SPTBN1: variants seen among roughly 807,000 people sequenced by gnomAD.
SPTBN1 encodes the protein spectrin beta chain, non-erythrocytic 1.
Under a neutral mutation model 266.4 loss-of-function variants are expected in SPTBN1, and 32 were observed. The observed-to-expected ratio is 0.12, with a 90% CI of 0.09 to 0.16. The LOEUF (loss-of-function observed/expected upper bound fraction) is 0.16. Among genes scored for constraint, SPTBN1 ranks in the 10% least tolerant of loss-of-function variants. The probability of loss-of-function intolerance (pLI) is 1.00; values close to 1 mark genes in which losing one functional copy is unlikely to be tolerated. For missense variants in SPTBN1, 2,296 were observed against 3,067.1 expected (o/e 0.75, Z 5.94); for synonymous variants, 1,336 against 1,162.2 (o/e 1.15, Z -3.04).
intron 2 of SPTBN1, among the ~76,000 whole-genome samples, chr2:54,594,811 T>G (rs1675944275): frequency 6.7e-6 from 1 of 148,714 alleles, no homozygotes; most frequent in Non-Finnish European, 1.5e-5. Context: ...ATTTTACGAT[T>G]CCATGACCCT....
intron 1 of SPTBN1, among the ~76,000 whole-genome samples, chr2:54,488,975 T>C (rs1213748987): frequency 6.6e-6 from 1 of 152,024 alleles, no homozygotes; most frequent in African/African-American, 2.4e-5. Flanking sequence ...AAATAACTTT[T>C]AATGCTGGGA....
At chr2:54,559,726 C>T (rs1052590211) in intron 2 of SPTBN1, among the ~76,000 whole-genome samples, 1 of 152,200 alleles carries the variant, frequency 6.6e-6, no homozygotes, top group South Asian at 2.1e-4. Flanking sequence ...AACAGAACTC[C>T]TTCCGTTTGG....
At chr2:54,592,661 T>A (rs920954171) in intron 2 of SPTBN1, among the ~76,000 whole-genome samples, 6 of 152,250 alleles carry the variant, frequency 3.9e-5, no homozygotes, top group Admixed American at 1.3e-4. Flanking sequence ...GTGCTGGGAA[T>A]TACAGGTGTG....
intron 2 of SPTBN1, among the ~76,000 whole-genome samples, chr2:54,587,565 G>A (rs1399802867): frequency 6.6e-6 from 1 of 152,156 alleles, no homozygotes; most frequent in Admixed American, 6.5e-5. Context: ...GCCCACCTTG[G>A]ATTGAAGTCC....
intron 2 of SPTBN1, among the ~76,000 whole-genome samples, chr2:54,597,024 C>T (rs1470419911): frequency 1.3e-5 from 2 of 152,194 alleles, no homozygotes; most frequent in Admixed American, 6.5e-5. Context: ...CTGAGGAACA[C>T]ATTTTGTGCT....
At chr2:54,536,413 TAGG>T (rs1671603687) in intron 2 of SPTBN1, among the ~76,000 whole-genome samples, 1 of 152,202 alleles carries the variant, frequency 6.6e-6, no homozygotes, top group Non-Finnish European at 1.5e-5. Flanking sequence ...ATTTTCTAAT[TAGG>T]AGAGAAAATT....
At position 54,653,694 on chromosome 2, in the gene SPTBN1, A is replaced by C; in HGVS notation, c.5663A>C (p.Glu1888Ala). Residue 1888 changes from glutamate to alanine, a missense_variant, in exon 27 of 36, where the codon GAG becomes GCG. This residue lies in a region of SPTBN1 where 644 missense variants were observed against 745.3 expected (regional missense o/e 0.86). Coordinates refer to ENST00000356805, the MANE Select transcript of SPTBN1 (RefSeq NM_003128.3). The surrounding 1 kb of genome is among the most constrained non-coding windows in gnomAD (Gnocchi z 5.1). ...GACGATATCCAGAAGCGCGAGAACGAGGTCCTGGAAGCCTGGAAGTCCCTC... is the reference window on the plus strand; with the variant it reads ...GACGATATCCAGAAGCGCGAGAACGCGGTCCTGGAAGCCTGGAAGTCCCTC... ...KADDIQKREN[E>A]VLEAWKSLLD... The C allele has an allele frequency of 6.2e-7, 1 of 1,614,182 alleles. No homozygotes were observed. The highest frequency in any genetic ancestry group is 8.5e-7 in the Non-Finnish European group (1 of 1,180,010).
chr2:54,577,979 G>A (rs2104555774), intron 2 of SPTBN1, among the ~76,000 whole-genome samples: 1 of 152,310 alleles, frequency 6.6e-6, no homozygotes, highest in Admixed American at 6.5e-5. Context: ...CATGGTGAAT[G>A]CCATGTAAAA....
intron 1 of SPTBN1, among the ~76,000 whole-genome samples, chr2:54,510,882 C>A (rs1164938336): frequency 6.6e-6 from 1 of 152,184 alleles, no homozygotes; most frequent in Admixed American, 6.5e-5. Flanking sequence ...TTGAAGACTT[C>A]ACCAGCTAAG....
intron 4 of SPTBN1, among the ~76,000 whole-genome samples, chr2:54,614,442 A>G (rs544905467): frequency 1.3e-5 from 2 of 152,182 alleles, no homozygotes; most frequent in South Asian, 2.1e-4. Flanking sequence ...GGCCTACCCT[A>G]TATGTGCATA....
chr2:54,555,824 C>A (rs1672832920), intron 2 of SPTBN1, among the ~76,000 whole-genome samples: 1 of 152,190 alleles, frequency 6.6e-6, no homozygotes, highest in South Asian at 2.1e-4. Context: ...CTTGTTCCAG[C>A]CTGTTGATGT....
chr2:54,576,672 T>G, intron 2 of SPTBN1, among the ~76,000 whole-genome samples: 1 of 152,172 alleles, frequency 6.6e-6, no homozygotes, highest in East Asian at 1.9e-4. Context: ...AGAACCCATT[T>G]TTAGCTTGAA....
intron 2 of SPTBN1, chr2:54,529,219 G>C (rs573654094): frequency 5.6e-6 from 2 of 357,594 alleles, no homozygotes; most frequent in Non-Finnish European, 1.1e-5. Context: ...AGTACTGATG[G>C]TCATCCAGTC....
chr2:54,600,783 C>T (rs1440971990), intron 3 of SPTBN1, among the ~76,000 whole-genome samples: 2 of 137,846 alleles, frequency 1.5e-5, no homozygotes, highest in Non-Finnish European at 3.1e-5. Flanking sequence ...CATTAAAGGT[C>T]ACATGGATAG....
At chr2:54,526,198 C>T (rs1670804489) in intron 1 of SPTBN1, among the ~76,000 whole-genome samples, 174 bp from the exon 2 acceptor site, 2 of 152,152 alleles carry the variant, frequency 1.3e-5, no homozygotes, top group African/African-American at 4.8e-5. Context: ...AGTAACTTGG[C>T]TAAGGTCACA....
At chr2:54,498,229 T>C (rs1001683536) in intron 1 of SPTBN1, among the ~76,000 whole-genome samples, 3 of 152,202 alleles carry the variant, frequency 2.0e-5, no homozygotes, top group African/African-American at 7.2e-5. Flanking sequence ...GGGTGGAGCA[T>C]GACCAGTGCA....
At chr2:54,601,689 C>T (rs1676509492) in intron 3 of SPTBN1, among the ~76,000 whole-genome samples, 1 of 152,140 alleles carries the variant, frequency 6.6e-6, no homozygotes, top group African/African-American at 2.4e-5. Context: ...GCATTTTAGC[C>T]CCAGCACTTA....
At chr2:54,580,757 C>T (rs970580941) in intron 2 of SPTBN1, among the ~76,000 whole-genome samples, 1 of 151,994 alleles carries the variant, frequency 6.6e-6, no homozygotes, top group African/African-American at 2.4e-5. Context: ...GAGAGACACA[C>T]ATAACCAAAA....
intron 11 of SPTBN1, among the ~76,000 whole-genome samples, chr2:54,625,268 C>G (rs1180804304): frequency 6.6e-6 from 1 of 152,030 alleles, no homozygotes; most frequent in African/African-American, 2.4e-5. Flanking sequence ...AATCTTTGAC[C>G]AACTAATCCT....
Sources: gnomAD v4.1 joint callset for allele counts (sites outside exome capture counted in the v4.1 genomes callset) on GRCh38, gnomAD v4.1.1 for gene constraint, gnomAD v4.1.1 regional missense constraint, Gnocchi (gnomAD v3.1) non-coding constraint, MANE v1.5 for transcripts, NCBI Gene and HGNC (gene_info 2026-07-23, HGNC 2026-07-21) for gene names.